HEMK2: variants seen among roughly 807,000 people sequenced by gnomAD.
HEMK2 encodes the protein HemK methyltransferase 2, ETF1 glutamine and histone H4 lysine, also known as methyltransferase HEMK2.
the HEMK2 span, among the ~76,000 whole-genome samples, chr21:28,756,392 G>A: frequency 2.0e-5 from 3 of 152,056 alleles, no homozygotes; most frequent in Non-Finnish European, 2.9e-5. Context: ...TGTCACTTCA[G>A]GCGGCCTTTT....
the HEMK2 span, among the ~76,000 whole-genome samples, chr21:28,853,296 A>G: frequency 3.9e-5 from 6 of 152,202 alleles, no homozygotes; most frequent in African/African-American, 7.2e-5. Context: ...CATTTCAGCT[A>G]ACCAAGCAAA....
chr21:28,719,289 C>G, the HEMK2 span, among the ~76,000 whole-genome samples: 1 of 152,140 alleles, frequency 6.6e-6, no homozygotes. Flanking sequence ...TGAGTCCCCA[C>G]CCAAATCTCA....
At chr21:28,731,368 T>G in the HEMK2 span, among the ~76,000 whole-genome samples, 1 of 152,174 alleles carries the variant, frequency 6.6e-6, no homozygotes, top group Non-Finnish European at 1.5e-5. Context: ...TGTGTAATAA[T>G]TATACGTCCC....
At chr21:28,586,027 G>A in the HEMK2 span, among the ~76,000 whole-genome samples, 1 of 152,156 alleles carries the variant, frequency 6.6e-6, no homozygotes, top group Non-Finnish European at 1.5e-5. Flanking sequence ...TATAACACTA[G>A]TGATACACAA....
At chr21:28,730,420 T>TC in the HEMK2 span, among the ~76,000 whole-genome samples, 1 of 58,172 alleles carries the variant, frequency 1.7e-5, no homozygotes, top group Admixed American at 1.8e-4. Context: ...ACACACACAT[T>TC]TCTCACAATT....
At chr21:28,743,820 AG>A in the HEMK2 span, among the ~76,000 whole-genome samples, 3 of 152,206 alleles carry the variant, frequency 2.0e-5, no homozygotes, top group Non-Finnish European at 4.4e-5. Flanking sequence ...GGTAGCTACA[AG>A]GGTTGCTGTG....
At chr21:28,645,184 A>G in the HEMK2 span, among the ~76,000 whole-genome samples, 1 of 152,152 alleles carries the variant, frequency 6.6e-6, no homozygotes. Context: ...TCCATGCTGC[A>G]CTGCACTGTC....
chr21:28,688,162 C>T, the HEMK2 span, among the ~76,000 whole-genome samples: 19 of 152,194 alleles, frequency 1.2e-4, no homozygotes, highest in Non-Finnish European at 1.5e-5. Context: ...TGAAGGAAAC[C>T]TCTCTCAAAC....
At chr21:28,771,518 A>ACCCCCCC in the HEMK2 span, among the ~76,000 whole-genome samples, 195 of 105,256 alleles carry the variant, frequency 1.9e-3, no homozygotes, top group African/African-American at 4.8e-3. Context: ...AAGATGCACC[A>ACCCCCCC]CCCCCCCCCG....
At chr21:28,765,558 C>T in the HEMK2 span, among the ~76,000 whole-genome samples, 9 of 152,134 alleles carry the variant, frequency 5.9e-5, no homozygotes, top group Admixed American at 5.2e-4. Context: ...AACCAATAAA[C>T]CATGTGGTTT....
At chr21:28,849,937 T>C in the HEMK2 span, among the ~76,000 whole-genome samples, 2 of 152,158 alleles carry the variant, frequency 1.3e-5, no homozygotes, top group East Asian at 1.9e-4. Flanking sequence ...TTGGAAAACA[T>C]ATTTGAGGAT....
chr21:28,836,647 G>C, the HEMK2 span, among the ~76,000 whole-genome samples: 1 of 152,088 alleles, frequency 6.6e-6, no homozygotes. Flanking sequence ...GAATGCAATG[G>C]TACCTCACAT....
the HEMK2 span, among the ~76,000 whole-genome samples, chr21:28,744,358 TAC>T: frequency 6.6e-6 from 1 of 152,226 alleles, no homozygotes; most frequent in Non-Finnish European, 1.5e-5. Flanking sequence ...AAATTTGCAC[TAC>T]AGATGTAATC....
At chr21:28,797,300 A>G in the HEMK2 span, among the ~76,000 whole-genome samples, 1 of 152,228 alleles carries the variant, frequency 6.6e-6, no homozygotes, top group Non-Finnish European at 1.5e-5. Flanking sequence ...ATATGTATCA[A>G]AAAGAAAAAG....
chr21:28,717,480 C>CTTTTTTTT, the HEMK2 span, among the ~76,000 whole-genome samples: 35 of 117,304 alleles, frequency 3.0e-4, no homozygotes, highest in African/African-American at 8.3e-4. Flanking sequence ...TCATTTTAGT[C>CTTTTTTTT]TTTTTTTTTT....
At chr21:28,821,420 T>A in the HEMK2 span, among the ~76,000 whole-genome samples, 2 of 152,202 alleles carry the variant, frequency 1.3e-5, no homozygotes, top group South Asian at 2.1e-4. Flanking sequence ...AATATTTAAA[T>A]GAGTTGACCT....
chr21:28,643,835 T>C, the HEMK2 span, among the ~76,000 whole-genome samples: 1 of 152,240 alleles, frequency 6.6e-6, no homozygotes, highest in Non-Finnish European at 1.5e-5. Flanking sequence ...AATAATCAAA[T>C]GAAGTCAGCA....
the HEMK2 span, among the ~76,000 whole-genome samples, chr21:28,709,616 T>A: frequency 6.6e-6 from 1 of 152,136 alleles, no homozygotes; most frequent in African/African-American, 2.4e-5. Context: ...CCCATCCTTC[T>A]GCCCTATAAA....
At chr21:28,878,290 T>A in the HEMK2 span, 5 of 1,613,194 alleles carry the variant, frequency 3.1e-6, no homozygotes, top group South Asian at 3.3e-5. Flanking sequence ...TTCCCGACCA[T>A]TTCTGCCACC....
Sources: allele counts gnomAD v4.1 joint callset (sites outside exome capture counted in the v4.1 genomes callset), GRCh38; gene constraint gnomAD v4.1.1; transcripts MANE v1.5; gene names NCBI Gene and HGNC (gene_info 2026-07-23, HGNC 2026-07-21).